Variants in NDUFA13 observed in about 807,000 individuals in gnomAD.
The protein encoded by NDUFA13 is NADH:ubiquinone oxidoreductase subunit A13, also known as NADH dehydrogenase [ubiquinone] 1 alpha subcomplex subunit 13.
A neutral mutation model predicts 17.0 loss-of-function variants in NDUFA13; 16 were observed. The ratio of observed to expected loss-of-function variants is 0.94; its 90% CI spans 0.64 to 1.43. The LOEUF (loss-of-function observed/expected upper bound fraction) is 1.43. Among genes scored for constraint, NDUFA13 ranks in the 40% most tolerant of loss-of-function variants. The pLI is 0.00. For synonymous variants in NDUFA13, 87 were observed against 78.4 expected, an observed-to-expected ratio of 1.11 and a Z score of -0.58; for missense variants, 228 against 206.7, an observed-to-expected ratio of 1.10 and a Z score of -0.63.
chr19:19,527,254 C>A (rs756812160), intron 2 of NDUFA13, 27 bp from the exon 3 acceptor site: 10 of 1,613,662 alleles, frequency 6.2e-6, no homozygotes, highest in Non-Finnish European at 8.5e-7. Context: ...CTGGTCTGAC[C>A]TGAGTGTGGG....
Position 19,526,484 on chromosome 19 carries a change from A to G in NDUFA13, c.173+224A>G, listed in dbSNP as rs1310809497. The G allele has an allele frequency of 1.7e-5, 10 of 599,544 alleles. No homozygotes were observed. The East Asian group carries it at 3.0e-4, about 18-fold the overall frequency. 37.1% of individuals were successfully genotyped at this position (599,544 alleles called of 1,614,324 possible). A position where few individuals can be genotyped will look rare whatever the true frequency, so the allele number is the denominator to read the frequency against. On this transcript the variant is annotated intron_variant, in intron 2 of 4. Coordinates refer to ENST00000507754, the MANE Select transcript of NDUFA13 (RefSeq NM_015965.7). ...TGCAATCCCAGCACTTTGGGAGGCCAAGGTGGGAGCATTGCTTGAGCCCAG... is the reference window on the plus strand; with the variant it reads ...TGCAATCCCAGCACTTTGGGAGGCCGAGGTGGGAGCATTGCTTGAGCCCAG...
intron 1 of NDUFA13, among the ~76,000 whole-genome samples, chr19:19,521,193 C>G (rs555820522): frequency 6.6e-6 from 1 of 152,292 alleles, no homozygotes; most frequent in African/African-American, 2.4e-5. Context: ...CTCAACAACA[C>G]TGATTATTTT....
At position 19,516,260 on chromosome 19, in the gene NDUFA13, C is replaced by A; in HGVS notation, c.22C>A (p.Gln8Lys). The A allele has an allele frequency of 4.3e-6, 7 of 1,614,018 alleles. No homozygotes were observed. The highest frequency in any genetic ancestry group is 5.1e-6 in the Non-Finnish European group (6 of 1,180,034). The change falls in exon 1 of 5, where the codon CAG becomes AAG. Residue 8 changes from glutamine (Q) to lysine (K), a missense_variant. Gln to Lys is a moderately conservative substitution (Grantham distance 53). Transcript: ENST00000507754. The part of the protein sequence containing the change: MAASKVK[Q>K]DMPPPGGYGP... ...GAGTATGGCGGCGTCAAAGGTGAAG[C>A]AGGACATGCCTCCGCCGGGGGGCTA...
chr19:19,524,962 A>C (rs1029421619), intron 1 of NDUFA13, among the ~76,000 whole-genome samples: 9 of 152,210 alleles, frequency 5.9e-5, no homozygotes, highest in African/African-American at 1.9e-4. Context: ...ACTTGAACCC[A>C]GGAGTTGGAG....
intron 1 of NDUFA13, 49 bp from the exon 2 acceptor site, chr19:19,526,133 A>T: frequency 1.2e-6 from 2 of 1,604,498 alleles, no homozygotes; most frequent in Non-Finnish European, 1.7e-6. Flanking sequence ...GCTGTGGAGG[A>T]GGGTGTCTGG....
At chr19:19,527,961 G>A (rs1280400542) in intron 4 of NDUFA13, 46 bp from the exon 5 acceptor site, 2 of 1,605,574 alleles carry the variant, frequency 1.2e-6, no homozygotes, top group African/African-American at 1.3e-5. Flanking sequence ...CTAGCAGGCT[G>A]TATATGGGTG....
In NDUFA13 at chr19:19,526,978, C is replaced by T. The variant is rs192762050; in HGVS notation, c.174-303C>T. On this transcript the variant is annotated intron_variant, in intron 2 of 4. Transcript: ENST00000507754. ...CGTGATGAAGTCACCCCCTCTTCGT[C>T]GCGATCATCAGGCAGAGTTATTTTT... Among the ~76,000 whole-genome samples the T allele has an allele frequency of 2.0e-3, 301 of 152,308 alleles. 1 individual carries two copies. The highest frequency in any genetic ancestry group is 2.7e-3 in the Non-Finnish European group (187 of 68,036).
chr19:19,516,744 G>GC (rs1478265075), intron 1 of NDUFA13, among the ~76,000 whole-genome samples: 2 of 152,156 alleles, frequency 1.3e-5, no homozygotes, highest in African/African-American at 4.8e-5. Context: ...CCTGCTGGCA[G>GC]CCCCCGCCTG....
chr19:19,527,191 C>CA, intron 2 of NDUFA13, 90 bp from the exon 3 acceptor site: 1 of 1,423,974 alleles, frequency 7.0e-7, no homozygotes, highest in Non-Finnish European at 9.8e-7. Flanking sequence ...CCTCTTCCCC[C>CA]AGCAGCACCC....
intron 3 of NDUFA13, 133 bp downstream of exon 3, chr19:19,527,485 G>C: frequency 1.1e-5 from 13 of 1,193,842 alleles, no homozygotes; most frequent in Non-Finnish European, 1.6e-5. Flanking sequence ...TGCATCCTCA[G>C]GCGTGGAGAC....
In NDUFA13 at chr19:19,527,720, G is replaced by T; in HGVS notation, c.265G>T (p.Glu89Ter). Residue 89 changes from glutamate to a stop codon, truncating the protein, a stop_gained, in exon 4 of 5, where the codon GAG becomes TAG. Transcript: ENST00000507754. LOFTEE classifies it high-confidence loss of function. ...CCACAGGACCTTGCAGATGCTTCGG[G>T]AGAACCTGGAGGAGGAGGCCATCAT... ...TDRRTLQMLRENLEEEAIIMK... is the reference protein window; with the variant it reads ...TDRRTLQMLR 6.4e-7 allele frequency: 1 copy of T among 1,552,530 alleles called. No homozygotes were observed. The highest frequency in any genetic ancestry group is 8.7e-7 in the Non-Finnish European group (1 of 1,147,344).
At chr19:19,526,562 A>C in intron 2 of NDUFA13, 2 of 436,340 alleles carry the variant, frequency 4.6e-6, no homozygotes, top group Non-Finnish European at 4.3e-6. Flanking sequence ...CGCCACCCCA[A>C]AAAATGTGTC....
rs149138076 is a variant in NDUFA13 at position 19,516,460 on chromosome 19, A to G, written c.94+128A>G. The G allele has an allele frequency of 2.9e-3, 2,832 of 985,286 alleles. 19 individuals are homozygous for G. Among genetic ancestry groups the G allele is most frequent in the South Asian group, 0.016 (1,187 of 72,988 alleles). The allele number at this position is 985,286 out of a possible 1,614,324, so 61.0% of individuals were successfully genotyped here. On this transcript the variant is annotated intron_variant, in intron 1 of 4. Transcript: ENST00000507754. ...CGGAGGCGGAGCCCGGGGATCCATC[A>G]TAGCTTCTGTAATAACGCTAAGTGC...
chr19:19,518,315 A>G (rs1037547976), intron 1 of NDUFA13, among the ~76,000 whole-genome samples: 1 of 151,370 alleles, frequency 6.6e-6, no homozygotes, highest in Non-Finnish European at 1.5e-5. Context: ...GCTCACTGCA[A>G]CCTCCACCTC....
intron 1 of NDUFA13, among the ~76,000 whole-genome samples, chr19:19,523,367 A>T (rs1193377431): frequency 6.6e-6 from 1 of 152,168 alleles, no homozygotes; most frequent in African/African-American, 2.4e-5. Context: ...AGGTGGGAGG[A>T]TTGCTTGAGG....
At position 19,526,186 on chromosome 19, in the gene NDUFA13, C is replaced by A; in HGVS notation, c.99C>A (p.Tyr33Ter). ...GAGCAGCGCCTCTCTTCACAGGCTACAGCATGCTGGCCATAGGGATTGGAA... is the reference window on the plus strand; with the variant it reads ...GAGCAGCGCCTCTCTTCACAGGCTAAAGCATGCTGGCCATAGGGATTGGAA... Reference protein sequence around the residue: ...RNLPRRGLSGYSMLAIGIGTL... With the variant: ...RNLPRRGLSG Residue 33 changes from tyrosine (Y) to a stop codon, truncating the protein, a stop_gained, in exon 2 of 5, where the codon TAC (tyrosine) becomes TAA (stop). Coordinates refer to ENST00000507754, the MANE Select transcript of NDUFA13 (RefSeq NM_015965.7). LOFTEE classifies it high-confidence loss of function. 1 of 1,613,976 alleles carries A rather than the reference C, an allele frequency of 6.2e-7. No individual in the cohort carries two copies. The highest frequency in any genetic ancestry group is 8.5e-7 in the Non-Finnish European group (1 of 1,179,976).
At chr19:19,518,982 G>A (rs566663934) in intron 1 of NDUFA13, among the ~76,000 whole-genome samples, 1 of 150,954 alleles carries the variant, frequency 6.6e-6, no homozygotes. Flanking sequence ...GACCTCAGAT[G>A]ATCTGCCCGC....
intron 3 of NDUFA13, 31 bp downstream of exon 3, chr19:19,527,383 C>T (rs2061106521): frequency 1.9e-6 from 3 of 1,612,680 alleles, no homozygotes; most frequent in Non-Finnish European, 2.5e-6. Context: ...GTTGGGAGGT[C>T]ACTGGCCGGA....
At chr19:19,525,317 C>G (rs1330657834) in intron 1 of NDUFA13, among the ~76,000 whole-genome samples, 1 of 152,248 alleles carries the variant, frequency 6.6e-6, no homozygotes, top group African/African-American at 2.4e-5. Flanking sequence ...GAGCTCCATG[C>G]TGGAGCAGAG....
Sources: allele counts gnomAD v4.1 joint callset (sites outside exome capture counted in the v4.1 genomes callset), GRCh38; gene constraint gnomAD v4.1.1; transcripts MANE v1.5; gene names NCBI Gene and HGNC (gene_info 2026-07-23, HGNC 2026-07-21).